Variants in THSD7B observed in about 807,000 individuals in gnomAD.
THSD7B encodes the protein thrombospondin type-1 domain-containing protein 7B.
In THSD7B, 138 loss-of-function variants were observed where a neutral mutation model predicts 213.6. The ratio of observed to expected loss-of-function variants is 0.65; its 90% CI spans 0.56 to 0.74. The LOEUF is 0.74. Ranked by LOEUF, THSD7B falls within the 30% of genes least tolerant of loss-of-function variation. The pLI is 0.00. For synonymous variants in THSD7B, 742 were observed against 687.0 expected (o/e 1.08, Z -1.25); for missense variants, 1,931 against 1,991.5 (o/e 0.97, Z 0.58).
intron 2 of THSD7B, among the ~76,000 whole-genome samples, chr2:137,046,352 G>A (rs1306682699): frequency 6.6e-6 from 1 of 152,124 alleles, no homozygotes; most frequent in Non-Finnish European, 1.5e-5. Context: ...AGAGGGAAGA[G>A]TTCTCTACAG....
intron 10 of THSD7B, among the ~76,000 whole-genome samples, chr2:137,271,438 A>C (rs1682735020): frequency 1.5e-5 from 2 of 134,760 alleles, no homozygotes; most frequent in South Asian, 4.5e-4. Flanking sequence ...TAATATATAT[A>C]ATATAATATA....
chr2:137,312,446 T>C (rs1461231343), intron 12 of THSD7B, among the ~76,000 whole-genome samples: 15 of 147,824 alleles, frequency 1.0e-4, no homozygotes, highest in African/African-American at 3.8e-4. Context: ...GTTGATCCTT[T>C]CAAAAAACCA....
chr2:137,629,956 A>G (rs1009488627), intron 20 of THSD7B, among the ~76,000 whole-genome samples: 3 of 151,864 alleles, frequency 2.0e-5, no homozygotes, highest in African/African-American at 7.3e-5. Flanking sequence ...AAATATAAAG[A>G]TGAGTATTTT....
At chr2:137,156,753 C>T (rs140933314) in intron 5 of THSD7B, among the ~76,000 whole-genome samples, 4 of 152,266 alleles carry the variant, frequency 2.6e-5, no homozygotes, top group African/African-American at 4.8e-5. Flanking sequence ...AAGCCCTTCC[C>T]GCACAGACAT....
intron 2 of THSD7B, among the ~76,000 whole-genome samples, chr2:136,942,848 C>G (rs539206648): frequency 1.1e-4 from 16 of 152,302 alleles, no homozygotes; most frequent in Non-Finnish European, 2.2e-4. Context: ...TTATTTCTTT[C>G]TCCTGCCTGA....
At chr2:137,067,191 T>C (rs1467297930) in intron 3 of THSD7B, among the ~76,000 whole-genome samples, 2 of 152,162 alleles carry the variant, frequency 1.3e-5, no homozygotes, top group Non-Finnish European at 2.9e-5. Context: ...GAATCTCATT[T>C]GGATGTTTGC....
At chr2:136,863,613 T>C (rs1416317137) in intron 1 of THSD7B, among the ~76,000 whole-genome samples, 2 of 152,202 alleles carry the variant, frequency 1.3e-5, no homozygotes, top group Non-Finnish European at 2.9e-5. Context: ...CTCATTTCTC[T>C]GAATAGAAAG....
intron 2 of THSD7B, among the ~76,000 whole-genome samples, chr2:136,919,634 A>T (rs1049332129): frequency 5.3e-5 from 8 of 152,228 alleles, no homozygotes; most frequent in African/African-American, 1.9e-4. Flanking sequence ...TTTTCCAGCC[A>T]GAAACCTCTG....
At position 137,676,809 on chromosome 2, in the gene THSD7B, G is replaced by A. The variant is rs1683712914; in HGVS notation, c.*204G>A. 1 of 441,684 alleles carries A rather than the reference G, an allele frequency of 2.3e-6. No homozygotes were observed. The highest frequency in any genetic ancestry group is 6.9e-5 in the South Asian group (1 of 14,440). 27.4% of individuals were successfully genotyped at this position (441,684 alleles called of 1,614,324 possible). ...CTGCCATTTTGTTTTCAAGTTGTTT[G>A]TGGGTGTGTTTTATTTTTTTGGTTT... is the stretch of plus-strand genomic sequence containing the variant. On this transcript the variant is annotated 3_prime_UTR_variant, in exon 28 of 28. Coordinates refer to ENST00000409968, the MANE Select transcript of THSD7B (RefSeq NM_001316349.2).
At chr2:137,010,460 G>A (rs1242503000) in intron 2 of THSD7B, among the ~76,000 whole-genome samples, 1 of 149,010 alleles carries the variant, frequency 6.7e-6, no homozygotes, top group African/African-American at 2.6e-5. Context: ...ACACGGTTAT[G>A]GGTCTCTGCT....
chr2:137,212,528 T>A (rs1681137094), intron 7 of THSD7B, among the ~76,000 whole-genome samples: 1 of 152,066 alleles, frequency 6.6e-6, no homozygotes, highest in Non-Finnish European at 1.5e-5. Flanking sequence ...GTAGAATAAT[T>A]TTAAAGCAAA....
intron 27 of THSD7B, among the ~76,000 whole-genome samples, chr2:137,673,816 A>C (rs528829808): frequency 4.5e-4 from 69 of 152,308 alleles, no homozygotes; most frequent in Non-Finnish European, 7.6e-4. Context: ...ATTCAAAGCC[A>C]TAAAACTTCT....
chr2:137,151,826 A>G (rs1558939467), intron 5 of THSD7B, among the ~76,000 whole-genome samples: 3 of 152,144 alleles, frequency 2.0e-5, no homozygotes, highest in African/African-American at 4.8e-5. Flanking sequence ...CATTAGGATG[A>G]CTGTGATGTC....
chr2:137,481,894 C>A (rs931958409), intron 15 of THSD7B, among the ~76,000 whole-genome samples: 10 of 152,182 alleles, frequency 6.6e-5, no homozygotes, highest in African/African-American at 2.4e-4. Flanking sequence ...AAGAGTTTAG[C>A]CGGCTGGCCG....
intron 15 of THSD7B, among the ~76,000 whole-genome samples, chr2:137,481,389 G>T (rs1028158870): frequency 6.6e-6 from 1 of 152,100 alleles, no homozygotes; most frequent in Admixed American, 6.5e-5. Flanking sequence ...ATTCTGTCTG[G>T]GCATTAGATA....
At position 137,231,243 on chromosome 2, in the gene THSD7B, A is replaced by T; in HGVS notation, c.1915+8A>T. Reference sequence around the variant, plus strand: ...TGGCACTGGCTGGGGAAGGTGAGTAACAGAAAAGGTTTTCACTTTGGATTC... The same window carrying T: ...TGGCACTGGCTGGGGAAGGTGAGTATCAGAAAAGGTTTTCACTTTGGATTC... On this transcript the variant is annotated splice_region_variant and intron_variant, in intron 8 of 27. Coordinates refer to ENST00000409968, the MANE Select transcript of THSD7B (RefSeq NM_001316349.2). The T allele has an allele frequency of 6.3e-7, 1 of 1,596,096 alleles. No homozygotes were observed. Among genetic ancestry groups the T allele is most frequent in the Non-Finnish European group, 8.5e-7 (1 of 1,170,188 alleles).
chr2:137,134,756 T>G (rs1201974801), intron 5 of THSD7B, among the ~76,000 whole-genome samples: 1 of 152,216 alleles, frequency 6.6e-6, no homozygotes, highest in Non-Finnish European at 1.5e-5. Context: ...AATTTTCTTT[T>G]GAAAAGCTAC....
intron 4 of THSD7B, among the ~76,000 whole-genome samples, chr2:137,113,347 A>C (rs759352616): frequency 6.6e-6 from 1 of 152,192 alleles, no homozygotes; most frequent in Non-Finnish European, 1.5e-5. Context: ...GAAAAGAACT[A>C]TCCCTGTGAA....
At chr2:137,562,505 T>C (rs574579810) in intron 15 of THSD7B, among the ~76,000 whole-genome samples, 1 of 152,160 alleles carries the variant, frequency 6.6e-6, no homozygotes, top group South Asian at 2.1e-4. Context: ...AAGAATTCAT[T>C]TACTGTACTC....
Sources: gnomAD v4.1 joint callset for allele counts (sites outside exome capture counted in the v4.1 genomes callset) on GRCh38, gnomAD v4.1.1 for gene constraint, MANE v1.5 for transcripts, NCBI Gene and HGNC (gene_info 2026-07-23, HGNC 2026-07-21) for gene names.